Variants in PIP5K1C observed in about 807,000 individuals in gnomAD.
PIP5K1C encodes the protein phosphatidylinositol-4-phosphate 5-kinase type 1 gamma, also known as phosphatidylinositol 4-phosphate 5-kinase type-1 gamma.
A neutral mutation model predicts 80.1 loss-of-function variants in PIP5K1C; 45 were observed. The ratio of observed to expected loss-of-function variants is 0.56; its 90% CI spans 0.44 to 0.72. The LOEUF is 0.72. PIP5K1C is among the 30% of genes least tolerant of loss of function. PIP5K1C has a pLI of 0.00. For synonymous variants in PIP5K1C, 498 were observed against 420.1 expected, an observed-to-expected ratio of 1.19 and a Z score of -2.27; for missense variants, 753 against 954.6, an observed-to-expected ratio of 0.79 and a Z score of 2.78.
At chr19:3,679,092 T>G (rs1410326293) in intron 1 of PIP5K1C, among the ~76,000 whole-genome samples, 1 of 151,998 alleles carries the variant, frequency 6.6e-6, no homozygotes, top group African/African-American at 2.4e-5. Context: ...TTCTTTCAAC[T>G]TTTCAGCACT....
chr19:3,652,694 A>T (rs1377164552), intron 7 of PIP5K1C, among the ~76,000 whole-genome samples: 1 of 152,208 alleles, frequency 6.6e-6, no homozygotes, highest in Non-Finnish European at 1.5e-5. Context: ...CGCAGGCTCC[A>T]CGGGGACAGG....
rs1018929041 is a variant in PIP5K1C, at chr19:3,653,509, G to A, written c.702C>T (p.Arg234=). The change falls in exon 7 of 18, where the codon CGC becomes CGT. Residue 234 remains arginine (R), a synonymous_variant. Transcript: ENST00000335312. ...YCVQSGGKNI[R]VVVMNNILPR... is the part of the protein sequence containing the mutation. ...GCAGGATGTTGTTCATGACCACGAC[G>A]CGGATGTTCTTGCCCCCCGACTGCA... 6 of 1,613,828 alleles carry A rather than the reference G, an allele frequency of 3.7e-6. No individual in the cohort carries two copies. Among genetic ancestry groups the A allele is most frequent in the East Asian group, 2.2e-5 (1 of 44,874 alleles).
Position 3,637,227 on chromosome 19 carries a change from G to A in PIP5K1C, c.1920+1657C>T. ...CGAGAGGGCTGGGTCCAGGGGCAGA[G>A]AGGGGCTCGCTGGGGTCTGGCCGGG... On this transcript the variant is annotated intron_variant, in intron 16 of 17. Coordinates refer to ENST00000335312, the MANE Select transcript of PIP5K1C (RefSeq NM_012398.3). This position sits in a 1 kb window ranked among gnomAD's most constrained non-coding sequence, Gnocchi z 7.0. 1.4e-6 allele frequency: 2 copies of A among 1,441,132 alleles called. No individual in the cohort carries two copies. Among genetic ancestry groups the A allele is most frequent in the Non-Finnish European group, 1.8e-6 (2 of 1,101,582 alleles). 89.3% of individuals were successfully genotyped at this position (1,441,132 alleles called of 1,614,324 possible).
rs1599906238 is a variant in PIP5K1C, at chr19:3,632,415, G to C, written c.*752C>G. On this transcript the variant is annotated 3_prime_UTR_variant, in exon 18 of 18. Coordinates refer to ENST00000335312, the MANE Select transcript of PIP5K1C (RefSeq NM_012398.3). ...AAGTCCCCAGCCCTGAGCTCCGCCA[G>C]CGTGGGTGGCAGCCTGGGGAAGAGG... The C allele has an allele frequency of 1.3e-5, 2 of 152,512 alleles. No individual in the cohort carries two copies. Among genetic ancestry groups the C allele is most frequent in the African/African-American group, 2.4e-5 (1 of 41,580 alleles). The allele number at this position is 152,512 out of a possible 1,614,324, so 9.4% of individuals were successfully genotyped here. A position where few individuals can be genotyped will look rare whatever the true frequency, so the allele number is the denominator to read the frequency against.
At chr19:3,668,264 C>G (rs1353664872) in intron 1 of PIP5K1C, 2 of 152,210 alleles carry the variant, frequency 1.3e-5, no homozygotes, top group African/African-American at 4.8e-5. Context: ...CTCCCAGCAG[C>G]AGGGCCCTGG....
At chr19:3,676,456 C>T (rs1394359894) in intron 1 of PIP5K1C, among the ~76,000 whole-genome samples, 1 of 152,220 alleles carries the variant, frequency 6.6e-6, no homozygotes, top group Non-Finnish European at 1.5e-5. Context: ...GGAGAAAAAC[C>T]TGGGTTTCTC....
chr19:3,638,044 AG>A, intron 16 of PIP5K1C: 1 of 1,471,762 alleles, frequency 6.8e-7, no homozygotes, highest in Non-Finnish European at 9.0e-7. Flanking sequence ...TGAAGCAGCG[AG>A]GAGGTGCCCC....
At chr19:3,680,275 G>C (rs1009608958) in intron 1 of PIP5K1C, among the ~76,000 whole-genome samples, 1 of 152,156 alleles carries the variant, frequency 6.6e-6, no homozygotes, top group Non-Finnish European at 1.5e-5. Context: ...ACACCACTGA[G>C]GCGGCCGGCT....
rs1457952745 is a variant in PIP5K1C at position 3,696,523 on chromosome 19, G to A, written c.94+3774C>T. ...TGTGTGGTGACAGCAGGGCAGGGAG[G>A]CCTCACGGAGAGGAGATGCTCCCAC... On this transcript the variant is annotated intron_variant, in intron 1 of 17. Transcript: ENST00000335312. The surrounding 1 kb of genome is among the most constrained non-coding windows in gnomAD (Gnocchi z 4.1). Among the ~76,000 whole-genome samples, 1 of 148,480 alleles carries A rather than the reference G, an allele frequency of 6.7e-6. No individual in the cohort carries two copies. Among genetic ancestry groups the A allele is most frequent in the Non-Finnish European group, 1.5e-5 (1 of 67,402 alleles).
chr19:3,643,210 C>T lies in PIP5K1C; in HGVS notation c.1649+33G>A, dbSNP rs1042755132. 7 of 1,610,510 alleles carry T rather than the reference C, an allele frequency of 4.3e-6. No homozygotes were observed. In the African/African-American group the frequency reaches 6.7e-5, roughly 16 times the overall value. On this transcript the variant is annotated intron_variant, in intron 13 of 17. Transcript: ENST00000335312. The stretch of plus-strand genomic sequence containing the variant: ...CCCCGCCCCCACGCACAGCGGATGC[C>T]CCGCCCACATGCACTGCGGATGCCT...
intron 13 of PIP5K1C, 62 bp downstream of exon 13, chr19:3,643,180 GA>G (rs2034050459): frequency 6.2e-7 from 1 of 1,605,026 alleles, no homozygotes; most frequent in Admixed American, 1.7e-5. Context: ...CACATGCAGT[GA>G]ATGCCCCGCC....
At chr19:3,636,083 G>T (rs945573377) in intron 16 of PIP5K1C, among the ~76,000 whole-genome samples, 1 of 152,112 alleles carries the variant, frequency 6.6e-6, no homozygotes, top group Non-Finnish European at 1.5e-5. Flanking sequence ...CTTGTACCTG[G>T]GGGGTGGAGG....
chr19:3,684,498 G>C (rs1262845588), intron 1 of PIP5K1C, among the ~76,000 whole-genome samples: 1 of 152,236 alleles, frequency 6.6e-6, no homozygotes, highest in Non-Finnish European at 1.5e-5. Context: ...CCTCCAGTAC[G>C]ATGCTGGGGC....
chr19:3,648,044 C>G lies in PIP5K1C; in HGVS notation c.1211+581G>C, dbSNP rs1424217861. On this transcript the variant is annotated intron_variant, in intron 9 of 17. Transcript: ENST00000335312. The surrounding 1 kb of genome is among the most constrained non-coding windows in gnomAD (Gnocchi z 4.3). ...TTTTCTTTTTTCTTTTTTTTTGGGA[C>G]AGGGTCTTGCTCTGTCACCCAGCCT... Among the ~76,000 whole-genome samples the G allele has an allele frequency of 2.0e-5, 3 of 151,926 alleles. No homozygotes were observed. The highest frequency in any genetic ancestry group is 7.3e-5 in the African/African-American group (3 of 41,354).
intron 8 of PIP5K1C, chr19:3,649,975 G>A (rs985559747): frequency 1.6e-4 from 33 of 212,110 alleles, no homozygotes; most frequent in African/African-American, 7.5e-4. Flanking sequence ...CTCTGCTCAC[G>A]CCACAGGCTG....
rs1342565497 is a variant in PIP5K1C, at chr19:3,632,105, G to C, written c.*1062C>G. ...CTGCCCTCTTGGAGGGTGATGAGTC[G>C]GAAACAAAGTCTTCTCTCCCCTCCT... is the stretch of plus-strand genomic sequence containing the variant. On this transcript the variant is annotated 3_prime_UTR_variant, in exon 18 of 18. Coordinates refer to ENST00000335312, the MANE Select transcript of PIP5K1C (RefSeq NM_012398.3). 1.3e-5 allele frequency: 2 copies of C among 152,406 alleles called. No individual in the cohort carries two copies. Among genetic ancestry groups the C allele is most frequent in the Admixed American group, 6.5e-5 (1 of 15,314 alleles). 9.4% of individuals were successfully genotyped at this position (152,406 alleles called of 1,614,324 possible). A position where few individuals can be genotyped will look rare whatever the true frequency, so the allele number is the denominator to read the frequency against.
In PIP5K1C at chr19:3,648,724, G is replaced by T; in HGVS notation, c.1128-16C>A. On this transcript the variant is annotated splice_polypyrimidine_tract_variant and intron_variant, in intron 8 of 17. Coordinates refer to ENST00000335312, the MANE Select transcript of PIP5K1C (RefSeq NM_012398.3). The surrounding 1 kb of genome is among the most constrained non-coding windows in gnomAD (Gnocchi z 4.3). Reference sequence around the variant, plus strand: ...CCCGCCCATCCTGGGGAGAGAGGCCGAGGGTACCATCAGCATCCCGCAGAG... The same window carrying T: ...CCCGCCCATCCTGGGGAGAGAGGCCTAGGGTACCATCAGCATCCCGCAGAG... 1 of 1,609,234 alleles carries T rather than the reference G, an allele frequency of 6.2e-7. No individual in the cohort carries two copies.
At chr19:3,658,871 G>T (rs931529305) in intron 5 of PIP5K1C, among the ~76,000 whole-genome samples, 5 of 152,212 alleles carry the variant, frequency 3.3e-5, no homozygotes, top group African/African-American at 1.2e-4. Context: ...CAGGCCCCAT[G>T]CGTGGATTTC....
chr19:3,661,563 G>A (rs1167415826), intron 4 of PIP5K1C, among the ~76,000 whole-genome samples: 1 of 152,246 alleles, frequency 6.6e-6, no homozygotes, highest in African/African-American at 2.4e-5. Flanking sequence ...GTGACCAGAA[G>A]GATCCCAGGA....
Sources: gnomAD v4.1 joint callset for allele counts (sites outside exome capture counted in the v4.1 genomes callset) on GRCh38, gnomAD v4.1.1 for gene constraint, Gnocchi (gnomAD v3.1) non-coding constraint, MANE v1.5 for transcripts, NCBI Gene and HGNC (gene_info 2026-07-23, HGNC 2026-07-21) for gene names.